The following OR56A3 variants were observed in gnomAD, a reference collection of about 807,000 sequenced individuals.
The protein encoded by OR56A3 is olfactory receptor 56A3.
A neutral mutation model predicts 17.5 loss-of-function variants in OR56A3; 23 were observed. The observed-to-expected ratio is 1.32, with a 90% CI of 0.95 to 1.87. The LOEUF is 1.87. Among genes scored for constraint, OR56A3 ranks in the 40% most tolerant of loss-of-function variants. The pLI is 0.00. For synonymous variants in OR56A3, 175 were observed against 150.6 expected (o/e 1.16, Z -1.19); for missense variants, 366 against 380.1 (o/e 0.96, Z 0.31).
chr11:6,003,132 A>T, the OR56A3 span: 1 of 1,573,092 alleles, frequency 6.4e-7, no homozygotes. Flanking sequence ...TAAAGTTTTT[A>T]AAATCACTGT....
At chr11:6,000,624 AAAAT>A in the OR56A3 span, 1 of 152,350 alleles carries the variant, frequency 6.6e-6, no homozygotes, top group East Asian at 1.9e-4. Flanking sequence ...AAAAAAATAA[AAAAT>A]AAAAAAACCT....
the OR56A3 span, among the ~76,000 whole-genome samples, chr11:5,974,905 A>C: frequency 6.6e-6 from 1 of 152,238 alleles, no homozygotes; most frequent in Non-Finnish European, 1.5e-5. Context: ...TATATGAGTT[A>C]GTTACTATCA....
At chr11:6,021,360 A>G in the OR56A3 span, 1 of 152,238 alleles carries the variant, frequency 6.6e-6, no homozygotes, top group Non-Finnish European at 1.5e-5. Context: ...ATAGTCAACA[A>G]TATATTGTAT....
the OR56A3 span, among the ~76,000 whole-genome samples, chr11:5,975,415 T>A: frequency 1.1e-4 from 15 of 141,502 alleles, 1 homozygote; most frequent in African/African-American, 3.9e-4. Context: ...TGTCCATGTG[T>A]TCTCATTGTT....
the OR56A3 span, chr11:5,986,167 G>A: frequency 2.6e-3 from 4,141 of 1,613,870 alleles, 87 homozygotes; most frequent in African/African-American, 0.048. Flanking sequence ...TGTGCTAAAC[G>A]CCTTAAGTCG....
At chr11:5,969,767 C>G in the OR56A3 span, among the ~76,000 whole-genome samples, 1 of 152,128 alleles carries the variant, frequency 6.6e-6, no homozygotes, top group Non-Finnish European at 1.5e-5. Flanking sequence ...CACACCCAAA[C>G]TTAAAGGACC....
chr11:6,021,939 T>A, the OR56A3 span: 5 of 152,110 alleles, frequency 3.3e-5, no homozygotes, highest in Non-Finnish European at 7.4e-5. Context: ...AATCATCTGC[T>A]CCGCCATTAA....
the OR56A3 span, among the ~76,000 whole-genome samples, chr11:5,987,940 T>C: frequency 2.0e-5 from 3 of 152,162 alleles, no homozygotes; most frequent in African/African-American, 7.2e-5. Context: ...AAGATTAAAA[T>C]CCTTTGGTGA....
At chr11:5,976,019 T>A in the OR56A3 span, among the ~76,000 whole-genome samples, 1 of 151,688 alleles carries the variant, frequency 6.6e-6, no homozygotes, top group Non-Finnish European at 1.5e-5. Context: ...AATAAATATG[T>A]TTTTCAATTA....
At chr11:5,987,390 G>C in the OR56A3 span, among the ~76,000 whole-genome samples, 1 of 152,044 alleles carries the variant, frequency 6.6e-6, no homozygotes, top group African/African-American at 2.4e-5. Context: ...ATCCTCTCCT[G>C]TATTCCCTAT....
chr11:5,963,945 A>G, the OR56A3 span, among the ~76,000 whole-genome samples: 1 of 151,972 alleles, frequency 6.6e-6, no homozygotes, highest in South Asian at 2.1e-4. Flanking sequence ...CTACTTTTCA[A>G]TAACCTTTCT....
At chr11:5,951,380 TTAAC>T (rs1386842210), downstream of OR56A3, 4 of 152,250 alleles carry the variant, frequency 2.6e-5, no homozygotes, top group Admixed American at 6.5e-5. Flanking sequence ...TTGAAACTAT[TTAAC>T]TATTTTTTGC....
chr11:5,989,837 T>A, the OR56A3 span, among the ~76,000 whole-genome samples: 3,084 of 152,290 alleles, frequency 0.02, 95 homozygotes, highest in African/African-American at 0.067. Context: ...CCGCTATGAT[T>A]CTTAGAGGAA....
chr11:6,002,592 C>T, the OR56A3 span: 1 of 1,614,226 alleles, frequency 6.2e-7, no homozygotes, highest in South Asian at 1.1e-5. Flanking sequence ...AGACGGGTAT[C>T]TCAATGGATG....
At chr11:5,944,644 T>A (rs937951603) in intron 1 of OR56A3, among the ~76,000 whole-genome samples, 162 bp from the exon 2 acceptor site, 1 of 152,316 alleles carries the variant, frequency 6.6e-6, no homozygotes, top group East Asian at 1.9e-4. Context: ...TAGGAAGACA[T>A]GTAAAACCAC....
the OR56A3 span, chr11:6,002,894 G>A: frequency 3.7e-6 from 6 of 1,614,060 alleles, no homozygotes; most frequent in Non-Finnish European, 5.1e-6. Flanking sequence ...GAAGGCTGAG[G>A]GGCAGAGACA....
At chr11:5,992,349 T>C in the OR56A3 span, among the ~76,000 whole-genome samples, 1 of 152,166 alleles carries the variant, frequency 6.6e-6, no homozygotes, top group Non-Finnish European at 1.5e-5. Flanking sequence ...TGGCTCCCTT[T>C]CTTCAATCTT....
the OR56A3 span, among the ~76,000 whole-genome samples, chr11:5,966,327 T>C: frequency 5.9e-5 from 9 of 151,662 alleles, no homozygotes; most frequent in African/African-American, 1.9e-4. Flanking sequence ...TGAGCCAAGA[T>C]CATGGCACTG....
chr11:5,985,143 C>T, the OR56A3 span, among the ~76,000 whole-genome samples: 17 of 152,100 alleles, frequency 1.1e-4, 1 homozygote, highest in South Asian at 2.1e-3. Context: ...TTACCAACAC[C>T]GGGATCTAGC....
Sources: allele counts gnomAD v4.1 joint callset (sites outside exome capture counted in the v4.1 genomes callset), GRCh38; gene constraint gnomAD v4.1.1; transcripts MANE v1.5; gene names NCBI Gene and HGNC (gene_info 2026-07-23, HGNC 2026-07-21).